SDK2: variants seen among roughly 807,000 people sequenced by gnomAD.
The protein encoded by SDK2 is sidekick cell adhesion molecule 2.
In SDK2, 105 loss-of-function variants were observed where a neutral mutation model predicts 253.9. That is an observed-to-expected ratio of 0.41 (90% confidence interval 0.35 to 0.49). The LOEUF (loss-of-function observed/expected upper bound fraction) is 0.49, where lower values mean the gene tolerates loss of function less well. Ranked by LOEUF, SDK2 falls within the 20% of genes least tolerant of loss-of-function variation. The pLI is 0.06. For missense variants in SDK2, 2,608 were observed against 3,003.0 expected, an observed-to-expected ratio of 0.87 and a Z score of 3.07; for synonymous variants, 1,249 against 1,234.9, an observed-to-expected ratio of 1.01 and a Z score of -0.24.
intron 30 of SDK2, among the ~76,000 whole-genome samples, chr17:73,387,391 T>G (rs2062881438): frequency 1.3e-5 from 2 of 151,498 alleles, no homozygotes. Flanking sequence ...GTGGGAGAGG[T>G]GGGGAAGAAA....
rs1210119210 is a variant in SDK2 at position 73,337,474 on chromosome 17, AG to A, written c.*1112del. 1 of 150,932 alleles carries A rather than the reference AG, an allele frequency of 6.6e-6. No homozygotes were observed. Among genetic ancestry groups the A allele is most frequent in the Non-Finnish European group, 1.5e-5 (1 of 68,006 alleles). The allele number at this position is 150,932 out of a possible 1,614,324, so 9.3% of individuals were successfully genotyped here. A position where few individuals can be genotyped will look rare whatever the true frequency, so the allele number is the denominator to read the frequency against. ...TGAGTTTGTTCTGGAGAGGATCCCT[AG>A]ACCCTGTTCCTTGTAAGTGCATGGG... On this transcript the variant is annotated 3_prime_UTR_variant, in exon 45 of 45. Transcript: ENST00000392650.
At position 73,447,408 on chromosome 17, in the gene SDK2, G is replaced by A. The variant is rs981124473; in HGVS notation, c.613+207C>T. Among the ~76,000 whole-genome samples the A allele has an allele frequency of 6.6e-6, 1 of 152,028 alleles. No individual in the cohort carries two copies. The highest frequency in any genetic ancestry group is 6.5e-5 in the Admixed American group (1 of 15,272). ...AGGATCTCAGGCGTGTCATGGGAAC[G>A]GGCTCCAGCGTTCAGCTGCTCCTTT... On this transcript the variant is annotated intron_variant, in intron 5 of 44. Transcript: ENST00000392650. The surrounding 1 kb of genome is among the most constrained non-coding windows in gnomAD (Gnocchi z 4.0).
chr17:73,394,494 C>A (rs1407173598), intron 25 of SDK2, among the ~76,000 whole-genome samples, 170 bp from the exon 26 acceptor site: 2 of 152,242 alleles, frequency 1.3e-5, no homozygotes. Context: ...CTAAGATGGC[C>A]TTTGGTTTTG....
chr17:73,609,483 A>C lies in SDK2; in HGVS notation c.64+34542T>G, dbSNP rs938409310. ...CTTCAGTGGAAGCCCGACTGGGTTT[A>C]AGACAGAAAGGGAAGACAGGAATTA... On this transcript the variant is annotated intron_variant, in intron 1 of 44. Transcript: ENST00000392650. This position sits in a 1 kb window ranked among gnomAD's most constrained non-coding sequence, Gnocchi z 4.4. Among the ~76,000 whole-genome samples the C allele has an allele frequency of 6.6e-6, 1 of 152,214 alleles. No individual in the cohort carries two copies.
chr17:73,438,404 C>T (rs1254711797), intron 6 of SDK2, among the ~76,000 whole-genome samples: 1 of 152,300 alleles, frequency 6.6e-6, no homozygotes, highest in African/African-American at 2.4e-5. Flanking sequence ...GCATTAGTGC[C>T]AGTGAAGTGC....
At chr17:73,566,319 ATGTGTGTGTGTGTGTGTGTGTGTGTG>A (rs55940592) in intron 1 of SDK2, among the ~76,000 whole-genome samples, 3 of 139,312 alleles carry the variant, frequency 2.2e-5, no homozygotes, top group Non-Finnish European at 4.6e-5. Context: ...TTATATATAT[ATGTGTGTGTGTGTGTGTGTGTGTGTG>A]TGTGTGTGTG....
In SDK2 at chr17:73,352,446, C is replaced by T; in HGVS notation, c.5758+27G>A. 3 of 1,596,002 alleles carry T rather than the reference C, an allele frequency of 1.9e-6. No individual in the cohort carries two copies. The highest frequency in any genetic ancestry group is 2.6e-6 in the Non-Finnish European group (3 of 1,171,906). On this transcript the variant is annotated intron_variant, in intron 41 of 44. Transcript: ENST00000392650. The surrounding 1 kb of genome is among the most constrained non-coding windows in gnomAD (Gnocchi z 4.1). ...CCCCAGGCTCTGCTGTGGGGCTCCC[C>T]CACTCCCTCAGCCCCCAGGCCGGTA...
chr17:73,456,512 AG>A (rs1261610393), intron 3 of SDK2, among the ~76,000 whole-genome samples: 1 of 152,196 alleles, frequency 6.6e-6, no homozygotes, highest in African/African-American at 2.4e-5. Context: ...TGTGAGGTGA[AG>A]GGCAGGTTTC....
chr17:73,350,168 C>T, intron 43 of SDK2, 69 bp downstream of exon 43: 7 of 1,502,234 alleles, frequency 4.7e-6, no homozygotes, highest in Non-Finnish European at 5.4e-6. Flanking sequence ...GCTCTATGGC[C>T]TTCCCCAGCA....
chr17:73,580,417 C>CTACA (rs772752909), intron 1 of SDK2, among the ~76,000 whole-genome samples: 1 of 152,272 alleles, frequency 6.6e-6, no homozygotes, highest in Non-Finnish European at 1.5e-5. Flanking sequence ...CAGCTCTGTA[C>CTACA]TGTACCCTGA....
intron 1 of SDK2, among the ~76,000 whole-genome samples, chr17:73,524,451 G>A (rs532197112): frequency 6.6e-6 from 1 of 152,318 alleles, no homozygotes; most frequent in Admixed American, 6.5e-5. Context: ...AGGTGGATGG[G>A]ATGTTTAGTA....
At chr17:73,390,721 C>A (rs2062921160) in intron 28 of SDK2, among the ~76,000 whole-genome samples, 3 of 152,158 alleles carry the variant, frequency 2.0e-5, no homozygotes. Context: ...TGTCTGTGAC[C>A]CCCGTAACAG....
intron 1 of SDK2, among the ~76,000 whole-genome samples, chr17:73,619,972 G>A (rs559498779): frequency 6.6e-6 from 1 of 152,310 alleles, no homozygotes; most frequent in South Asian, 2.1e-4. Flanking sequence ...ACTGAGGCAG[G>A]CAGTTTGCTT....
intron 29 of SDK2, among the ~76,000 whole-genome samples, chr17:73,389,914 A>G (rs1012992698): frequency 5.9e-5 from 9 of 152,004 alleles, no homozygotes; most frequent in African/African-American, 2.2e-4. Flanking sequence ...CACGCTGGCT[A>G]ATTTTTGTAT....
intron 40 of SDK2, among the ~76,000 whole-genome samples, chr17:73,353,388 G>C (rs1242036785): frequency 3.3e-5 from 5 of 152,044 alleles, no homozygotes; most frequent in South Asian, 2.1e-4. Context: ...CATACACAAT[G>C]GTGGCAGGAG....
chr17:73,525,719 A>C (rs1260321503), intron 1 of SDK2, among the ~76,000 whole-genome samples: 1 of 151,884 alleles, frequency 6.6e-6, no homozygotes, highest in Non-Finnish European at 1.5e-5. Context: ...TCCCTTTTGC[A>C]CTGGCTCCCC....
chr17:73,577,973 C>T (rs779911511), intron 1 of SDK2, among the ~76,000 whole-genome samples: 6 of 151,804 alleles, frequency 4.0e-5, no homozygotes, highest in South Asian at 2.1e-4. Context: ...AGTGTCAGAA[C>T]GACGTGGCAG....
intron 1 of SDK2, among the ~76,000 whole-genome samples, chr17:73,586,771 C>T (rs567006138): frequency 6.6e-6 from 1 of 152,196 alleles, no homozygotes; most frequent in Non-Finnish European, 1.5e-5. Flanking sequence ...TGATTATAAT[C>T]GTTGGCATTC....
At chr17:73,604,282 C>T (rs554132151) in intron 1 of SDK2, among the ~76,000 whole-genome samples, 8 of 152,326 alleles carry the variant, frequency 5.3e-5, no homozygotes, top group South Asian at 2.1e-4. Context: ...GTGGAAAAGG[C>T]GATTCAGAGA....
Sources: allele counts gnomAD v4.1 joint callset (sites outside exome capture counted in the v4.1 genomes callset), GRCh38; gene constraint gnomAD v4.1.1; non-coding constraint Gnocchi (gnomAD v3.1); transcripts MANE v1.5; gene names NCBI Gene and HGNC (gene_info 2026-07-23, HGNC 2026-07-21).